Variants in KIF21A observed in about 807,000 individuals in gnomAD.
KIF21A encodes kinesin-like protein KIF21A.
KIF21A carries 114 observed loss-of-function variants against 202.9 expected under a neutral mutation model. The observed-to-expected ratio is 0.56, with a 90% CI of 0.48 to 0.66. The LOEUF (loss-of-function observed/expected upper bound fraction) is 0.66. KIF21A is among the 30% of genes least tolerant of loss of function. The probability of loss-of-function intolerance (pLI) is 0.00; values close to 1 mark genes in which losing one functional copy is unlikely to be tolerated. For missense variants in KIF21A, 1,677 were observed against 1,994.9 expected, an observed-to-expected ratio of 0.84 and a Z score of 3.04; for synonymous variants, 667 against 670.8, an observed-to-expected ratio of 0.99 and a Z score of 0.09.
intron 1 of KIF21A, among the ~76,000 whole-genome samples, chr12:39,399,909 C>T (rs908094188): frequency 6.6e-6 from 1 of 152,158 alleles, no homozygotes; most frequent in Non-Finnish European, 1.5e-5. Flanking sequence ...TGTGACTCCA[C>T]CCCAATTAAT....
chr12:39,320,164 A>G (rs577801418), intron 27 of KIF21A, 151 bp from the exon 28 acceptor site: 13 of 597,808 alleles, frequency 2.2e-5, no homozygotes, highest in Non-Finnish European at 3.8e-5. Flanking sequence ...ACATAGGAAA[A>G]TACTACATGA....
In KIF21A at chr12:39,370,269, A is replaced by G; in HGVS notation, c.45-8T>C. On this transcript the variant is annotated splice_polypyrimidine_tract_variant and splice_region_variant and intron_variant, in intron 1 of 37. Coordinates refer to ENST00000361418, the MANE Select transcript of KIF21A (RefSeq NM_001173464.2). ...GCAAGCTGTGGTCTTATTCTGTGAG[A>G]AATAATCAGAAAAGAAAAAAATAAA... 6.3e-7 allele frequency: 1 copy of G among 1,586,306 alleles called. No individual in the cohort carries two copies. Among genetic ancestry groups the G allele is most frequent in the Non-Finnish European group, 8.6e-7 (1 of 1,158,752 alleles).
intron 1 of KIF21A, among the ~76,000 whole-genome samples, chr12:39,417,720 C>T (rs1416894783): frequency 1.3e-5 from 2 of 151,980 alleles, no homozygotes; most frequent in South Asian, 2.1e-4. Context: ...CTATTATATT[C>T]GGTCAGGTAT....
At chr12:39,384,411 G>C (rs946810949) in intron 1 of KIF21A, among the ~76,000 whole-genome samples, 3 of 152,070 alleles carry the variant, frequency 2.0e-5, no homozygotes, top group Non-Finnish European at 4.4e-5. Context: ...CACAGCATGG[G>C]CTCAGACAAG....
In KIF21A at chr12:39,309,581, C is replaced by T; in HGVS notation, c.4277+5G>A. The T allele has an allele frequency of 1.3e-6, 2 of 1,586,376 alleles. No individual in the cohort carries two copies. Among genetic ancestry groups the T allele is most frequent in the African/African-American group, 1.4e-5 (1 of 73,960 alleles). On this transcript the variant is annotated splice_donor_5th_base_variant and intron_variant, in intron 33 of 37. Transcript: ENST00000361418. ...CTTTATGCTATATGTCTTCAAGTTA[C>T]TTACGTTAGTGTTCGAATGCACTTT...
In KIF21A at chr12:39,307,627, G is replaced by T. The variant is rs530018336; in HGVS notation, c.4380C>A (p.Asn1460Lys). The change falls in exon 34 of 38, where the codon AAC becomes AAA. Residue 1460 changes from asparagine to lysine, a missense_variant. Coordinates refer to ENST00000361418, the MANE Select transcript of KIF21A (RefSeq NM_001173464.2). ...CAGCATAGAGGAAGGTGCCAGTTGGGTTTAGGGCAATTTGATTGATCTGGT... is the reference window on the plus strand; with the variant it reads ...CAGCATAGAGGAAGGTGCCAGTTGGTTTTAGGGCAATTTGATTGATCTGGT... ...GENQINQIAL[N>K]PTGTFLYAAS... 3 of 1,614,150 alleles carry T rather than the reference G, an allele frequency of 1.9e-6. No homozygotes were observed. In the South Asian group the frequency reaches 3.3e-5, roughly 18 times the overall value.
At chr12:39,333,859 C>T (rs1946714928) in intron 17 of KIF21A, among the ~76,000 whole-genome samples, 1 of 151,824 alleles carries the variant, frequency 6.6e-6, no homozygotes, top group Non-Finnish European at 1.5e-5. Context: ...ATTAGGATTA[C>T]TTCAAGCCAT....
intron 1 of KIF21A, among the ~76,000 whole-genome samples, chr12:39,391,460 G>A (rs1341403787): frequency 6.6e-6 from 1 of 152,046 alleles, no homozygotes; most frequent in African/African-American, 2.4e-5. Flanking sequence ...GTTCACAGCT[G>A]GGCATGGTGG....
intron 1 of KIF21A, among the ~76,000 whole-genome samples, chr12:39,408,636 T>C (rs1265798022): frequency 5.9e-5 from 9 of 152,164 alleles, no homozygotes; most frequent in Admixed American, 5.2e-4. Context: ...ACAAAGAAGA[T>C]GTGTTTGGTT....
intron 1 of KIF21A, among the ~76,000 whole-genome samples, chr12:39,409,858 G>A (rs904984224): frequency 6.7e-6 from 1 of 149,990 alleles, no homozygotes; most frequent in African/African-American, 2.5e-5. Flanking sequence ...TTTAGACAGA[G>A]TCTCACTCTG....
At chr12:39,395,923 C>T (rs1391410854) in intron 1 of KIF21A, among the ~76,000 whole-genome samples, 2 of 151,756 alleles carry the variant, frequency 1.3e-5, no homozygotes, top group Admixed American at 6.6e-5. Context: ...TCATTCCTTC[C>T]CTCTCTAAAC....
At chr12:39,428,099 C>A (rs1007221833) in intron 1 of KIF21A, among the ~76,000 whole-genome samples, 7 of 152,198 alleles carry the variant, frequency 4.6e-5, no homozygotes, top group African/African-American at 1.7e-4. Context: ...TCTAGTCCTA[C>A]TATTGTGTTC....
intron 1 of KIF21A, among the ~76,000 whole-genome samples, chr12:39,424,314 C>T (rs780493993): frequency 6.6e-6 from 1 of 152,146 alleles, no homozygotes; most frequent in African/African-American, 2.4e-5. Flanking sequence ...TCTCCAGTAT[C>T]CTTGACTAGA....
chr12:39,402,867 A>G (rs965005375), intron 1 of KIF21A, among the ~76,000 whole-genome samples: 1 of 152,170 alleles, frequency 6.6e-6, no homozygotes, highest in African/African-American at 2.4e-5. Context: ...ACACCCTTGC[A>G]TTATATTTAG....
intron 28 of KIF21A, among the ~76,000 whole-genome samples, chr12:39,318,506 A>T (rs1376752854): frequency 6.6e-6 from 1 of 152,198 alleles, no homozygotes; most frequent in Non-Finnish European, 1.5e-5. Flanking sequence ...AAAGTTGCTC[A>T]CTTTACAGAT....
chr12:39,338,441 G>A (rs1262335568), intron 16 of KIF21A, among the ~76,000 whole-genome samples: 1 of 152,084 alleles, frequency 6.6e-6, no homozygotes, highest in African/African-American at 2.4e-5. Flanking sequence ...TTATCACTGA[G>A]GAGAGTTTTT....
intron 12 of KIF21A, among the ~76,000 whole-genome samples, chr12:39,343,930 G>A (rs1321407935): frequency 3.3e-5 from 5 of 152,236 alleles, no homozygotes; most frequent in East Asian, 1.9e-4. Flanking sequence ...GCACTAGCTC[G>A]GTTGGAGCAG....
In KIF21A at chr12:39,443,041, G is replaced by C. The variant is rs1402282718; in HGVS notation, c.-71C>G. ...AGCTGAGGCGCCACTGGGGCCGCGGGACTCGGGCGCAGTAGGCTGGGGCGT... is the reference window on the plus strand; with the variant it reads ...AGCTGAGGCGCCACTGGGGCCGCGGCACTCGGGCGCAGTAGGCTGGGGCGT... On this transcript the variant is annotated 5_prime_UTR_variant, in exon 1 of 38. Coordinates refer to ENST00000361418, the MANE Select transcript of KIF21A (RefSeq NM_001173464.2). The C allele has an allele frequency of 1.4e-6, 2 of 1,467,386 alleles. No individual in the cohort carries two copies. The highest frequency in any genetic ancestry group is 1.3e-5 in the South Asian group (1 of 77,512). 90.9% of individuals were successfully genotyped at this position (1,467,386 alleles called of 1,614,324 possible).
In KIF21A at chr12:39,366,360, T is replaced by G. The variant is rs1949604804; in HGVS notation, c.893A>C (p.Asn298Thr). 6.2e-7 allele frequency: 1 copy of G among 1,613,960 alleles called. No individual in the cohort carries two copies. The highest frequency in any genetic ancestry group is 1.1e-5 in the South Asian group (1 of 91,086). The change falls in exon 6 of 38, where the codon AAC (asparagine) becomes ACC (threonine). Residue 298 changes from asparagine to threonine, a missense_variant. Asn to Thr is a moderately conservative substitution (Grantham distance 65). This residue lies in a region of KIF21A where 966 missense variants were observed against 1,180.9 expected (regional missense o/e 0.82). Coordinates refer to ENST00000361418, the MANE Select transcript of KIF21A (RefSeq NM_001173464.2). ...GERAKEGISI[N>T]CGLLALGNVI... Reference sequence around the variant, plus strand: ...AAGCCTTAATCTTACAAGTCCACAGTTGATAGAAATGCCTTCTTTTGCCCT... The same window carrying G: ...AAGCCTTAATCTTACAAGTCCACAGGTGATAGAAATGCCTTCTTTTGCCCT...
Sources: gnomAD v4.1 joint callset for allele counts (sites outside exome capture counted in the v4.1 genomes callset) on GRCh38, gnomAD v4.1.1 for gene constraint, gnomAD v4.1.1 regional missense constraint, MANE v1.5 for transcripts, NCBI Gene and HGNC (gene_info 2026-07-23, HGNC 2026-07-21) for gene names.